The following SNX29 variants were observed in gnomAD, a reference collection of about 807,000 sequenced individuals.
SNX29 encodes sorting nexin 29.
A neutral mutation model predicts 102.1 loss-of-function variants in SNX29; 78 were observed. That is an observed-to-expected ratio of 0.76 (90% CI 0.64 to 0.92). SNX29 has a LOEUF of 0.92. SNX29 is among the 40% of genes least tolerant of loss of function. The pLI, the probability that SNX29 is intolerant of heterozygous loss-of-function variation, is 0.00. For missense variants in SNX29, 1,280 were observed against 1,061.7 expected, an observed-to-expected ratio of 1.21 and a Z score of -2.86; for synonymous variants, 580 against 414.5, an observed-to-expected ratio of 1.40 and a Z score of -4.85.
chr16:12,351,217 C>A (rs2081983472), intron 15 of SNX29, among the ~76,000 whole-genome samples: 5 of 152,038 alleles, frequency 3.3e-5, no homozygotes, highest in Admixed American at 3.3e-4. Flanking sequence ...AGTTGGTGCT[C>A]CGGAGTGTGT....
chr16:12,125,341 A>G (rs893952279), intron 11 of SNX29, among the ~76,000 whole-genome samples: 2 of 152,118 alleles, frequency 1.3e-5, no homozygotes, highest in South Asian at 2.1e-4. Flanking sequence ...TCGTCTTTCT[A>G]TGATGGATTT....
chr16:12,398,547 C>G, intron 17 of SNX29, 46 bp downstream of exon 17: 5 of 1,606,248 alleles, frequency 3.1e-6, no homozygotes, highest in Non-Finnish European at 4.3e-6. Context: ...AGAAACTGGA[C>G]TCTGTTGTTG....
intron 13 of SNX29, among the ~76,000 whole-genome samples, chr16:12,188,815 G>A (rs1342735901): frequency 6.6e-6 from 1 of 152,218 alleles, no homozygotes. Context: ...AACAGCCAAG[G>A]AGGAATGCAG....
rs142352532 is a variant in SNX29, at chr16:12,396,125, C to A, written c.1900-2321C>A. 6.6e-5 allele frequency among the ~76,000 whole-genome samples: 10 copies of A among 152,330 alleles called. No homozygotes were observed. In the South Asian group the frequency reaches 1.5e-3, roughly 22 times the overall value. On this transcript the variant is annotated intron_variant, in intron 16 of 20. Coordinates refer to ENST00000566228, the MANE Select transcript of SNX29 (RefSeq NM_032167.5). ...AAGGATTGAACCACTCCTGGGTACGCATATCCCCTGTTCAAAATGTTCCCT... is the reference window on the plus strand; with the variant it reads ...AAGGATTGAACCACTCCTGGGTACGAATATCCCCTGTTCAAAATGTTCCCT...
At position 12,565,661 on chromosome 16, in the gene SNX29, G is replaced by A. The variant is rs115373011; in HGVS notation, c.2319-2845G>A. ...ACACATATAGCCTCGTGACAGCTCA[G>A]TGCACGTCCCGAGCTAACCCTGCCT... is the stretch of plus-strand genomic sequence containing the variant. On this transcript the variant is annotated intron_variant, in intron 20 of 20. Transcript: ENST00000566228. 6.2e-4 allele frequency among the ~76,000 whole-genome samples: 95 copies of A among 152,324 alleles called. 1 individual carries two copies. The highest frequency in any genetic ancestry group is 2.2e-3 in the African/African-American group (90 of 41,562).
chr16:12,005,336 C>G (rs902461750), intron 3 of SNX29, among the ~76,000 whole-genome samples: 1 of 152,060 alleles, frequency 6.6e-6, no homozygotes, highest in African/African-American at 2.4e-5. Flanking sequence ...GTGTCTAAGT[C>G]CTGTCCTAGT....
intron 3 of SNX29, among the ~76,000 whole-genome samples, chr16:12,008,147 T>C (rs367613082): frequency 2.5e-4 from 38 of 152,316 alleles, no homozygotes; most frequent in Non-Finnish European, 3.7e-4. Flanking sequence ...GGTTTCACCG[T>C]GTTAGCCAGG....
At chr16:12,460,485 C>G (rs1222485394) in intron 18 of SNX29, among the ~76,000 whole-genome samples, 4 of 152,218 alleles carry the variant, frequency 2.6e-5, no homozygotes, top group East Asian at 1.9e-4. Flanking sequence ...TCCTCCTCCC[C>G]CTGGCCAGCT....
At chr16:12,523,748 C>T (rs547371338) in intron 19 of SNX29, among the ~76,000 whole-genome samples, 2 of 152,198 alleles carry the variant, frequency 1.3e-5, no homozygotes, top group Non-Finnish European at 2.9e-5. Context: ...TGAGGGGGTT[C>T]TGGATCACAG....
At chr16:12,101,403 A>G (rs1324003344) in intron 11 of SNX29, among the ~76,000 whole-genome samples, 1 of 125,060 alleles carries the variant, frequency 8.0e-6, no homozygotes, top group Non-Finnish European at 1.6e-5. Flanking sequence ...TTTTTTTTTG[A>G]GACAGAGACT....
chr16:12,039,925 T>C (rs537553183), intron 4 of SNX29, among the ~76,000 whole-genome samples: 164 of 152,150 alleles, frequency 1.1e-3, no homozygotes, highest in African/African-American at 3.9e-3. Context: ...TTTACTGCAA[T>C]AGCTGGTGCA....
chr16:12,444,747 A>G (rs948913684), intron 18 of SNX29, among the ~76,000 whole-genome samples: 3 of 151,746 alleles, frequency 2.0e-5, no homozygotes, highest in Admixed American at 6.6e-5. Context: ...TTTACAGGTC[A>G]TATTCATCAC....
chr16:12,047,481 A>G (rs922298191), intron 6 of SNX29, among the ~76,000 whole-genome samples: 3 of 152,118 alleles, frequency 2.0e-5, no homozygotes, highest in Non-Finnish European at 4.4e-5. Context: ...GTTTCTGTCC[A>G]CAGTAATGAT....
At chr16:12,272,504 C>T (rs1567382291) in intron 14 of SNX29, among the ~76,000 whole-genome samples, 1 of 152,234 alleles carries the variant, frequency 6.6e-6, no homozygotes, top group Non-Finnish European at 1.5e-5. Flanking sequence ...TATCTGTGTC[C>T]TGGTTGCCCT....
chr16:12,057,049 A>G (rs553031825), intron 8 of SNX29, among the ~76,000 whole-genome samples: 56 of 152,202 alleles, frequency 3.7e-4, no homozygotes, highest in African/African-American at 1.3e-3. Flanking sequence ...CCTGGCCTGA[A>G]GTGATCCTCC....
intron 13 of SNX29, among the ~76,000 whole-genome samples, chr16:12,183,248 G>A (rs1440714273): frequency 7.2e-5 from 11 of 152,116 alleles, no homozygotes; most frequent in Non-Finnish European, 8.8e-5. Flanking sequence ...CGATCCTCCC[G>A]CCTTAGCCTC....
At chr16:12,122,549 A>C (rs1341901554) in intron 11 of SNX29, among the ~76,000 whole-genome samples, 1 of 152,108 alleles carries the variant, frequency 6.6e-6, no homozygotes, top group African/African-American at 2.4e-5. Context: ...AGACACTGGG[A>C]AACAGCCTGT....
At chr16:12,390,310 G>GT (rs1406276759) in intron 16 of SNX29, among the ~76,000 whole-genome samples, 1 of 152,068 alleles carries the variant, frequency 6.6e-6, no homozygotes, top group Non-Finnish European at 1.5e-5. Flanking sequence ...TCCCTCATAG[G>GT]TTTCCCCCGT....
intron 1 of SNX29, among the ~76,000 whole-genome samples, chr16:11,991,486 A>C (rs387027): frequency 0.49 from 74,553 of 151,886 alleles, 20,598 homozygotes; most frequent in Non-Finnish European, 0.63. Flanking sequence ...TATTACATTT[A>C]TTCATTTTAT....
Sources: gnomAD v4.1 joint callset for allele counts (sites outside exome capture counted in the v4.1 genomes callset) on GRCh38, gnomAD v4.1.1 for gene constraint, MANE v1.5 for transcripts, NCBI Gene and HGNC (gene_info 2026-07-23, HGNC 2026-07-21) for gene names.